The following TRMT6 variants were observed in gnomAD, a reference collection of about 807,000 sequenced individuals.
The protein encoded by TRMT6 is tRNA methyltransferase 6 non-catalytic subunit.
A neutral mutation model predicts 59.0 loss-of-function variants in TRMT6; 34 were observed. That is an observed-to-expected ratio of 0.58 (90% CI 0.44 to 0.77). The LOEUF (loss-of-function observed/expected upper bound fraction) is 0.77. Among genes scored for constraint, TRMT6 ranks in the 30% least tolerant of loss-of-function variants. The pLI, the probability that TRMT6 is intolerant of heterozygous loss-of-function variation, is 0.00. For missense variants in TRMT6, 575 were observed against 604.5 expected (o/e 0.95, Z 0.51); for synonymous variants, 217 against 210.5 (o/e 1.03, Z -0.27).
At chr20:5,940,590 T>G (rs2088647298) in intron 10 of TRMT6, among the ~76,000 whole-genome samples, 1 of 152,192 alleles carries the variant, frequency 6.6e-6, no homozygotes. Context: ...TCTCCATCCC[T>G]GTAGAAAGAA....
chr20:5,946,820 T>G (rs2088711319), intron 1 of TRMT6, among the ~76,000 whole-genome samples: 1 of 152,200 alleles, frequency 6.6e-6, no homozygotes, highest in South Asian at 2.1e-4. Context: ...CCATTTTATT[T>G]GAAAATTATC....
chr20:5,941,577 T>C, intron 8 of TRMT6: 1 of 562,078 alleles, frequency 1.8e-6, no homozygotes, highest in Non-Finnish European at 3.2e-6. Context: ...AAGTCGCATT[T>C]AATGACATTC....
intron 6 of TRMT6, among the ~76,000 whole-genome samples, chr20:5,943,036 A>C (rs2088672389): frequency 6.6e-6 from 1 of 152,010 alleles, no homozygotes; most frequent in Admixed American, 6.6e-5. Flanking sequence ...CTATTGTAAA[A>C]CCCTGTGTCT....
rs773153165 is a variant in TRMT6, at chr20:5,946,493, C to T, written c.169G>A (p.Val57Ile). 55 of 1,613,934 alleles carry T rather than the reference C, an allele frequency of 3.4e-5. No homozygotes were observed. In the Admixed American group the frequency reaches 4.2e-4, roughly 12 times the overall value. Residue 57 changes from valine (V) to isoleucine (I), a missense_variant, in exon 2 of 11, where the codon GTC becomes ATC. Coordinates refer to ENST00000203001, the MANE Select transcript of TRMT6 (RefSeq NM_015939.5). ...GCAGTTCCATAACTATGGCCAATGA[C>T]GTTATCCAGGTAGAACCACTGTTTT... is the stretch of plus-strand genomic sequence containing the variant. ...FEKQWFYLDN[V>I]IGHSYGTAFE...
rs772936392 is a variant in TRMT6, at chr20:5,942,632, C to G, written c.822G>C (p.Met274Ile). Residue 274 changes from methionine to isoleucine, a missense_variant, in exon 7 of 11, where the codon ATG becomes ATC. Physicochemically the swap from Met to Ile is conservative, Grantham distance 10. Transcript: ENST00000203001. ...CACTGTCTTTTGGCTCTGAAGATAA[C>G]ATCTTGGCAGAAAATGTTCCATGTA... ...SLLHGTFSAK[M>I]LSSEPKDSAL... The G allele has an allele frequency of 4.3e-6, 7 of 1,614,148 alleles. No individual in the cohort carries two copies. The Admixed American group carries it at 1.2e-4, about 27-fold the overall frequency.
chr20:5,942,537 A>G lies in TRMT6; in HGVS notation c.917T>C (p.Met306Thr). 6.2e-7 allele frequency: 1 copy of G among 1,614,064 alleles called. No individual in the cohort carries two copies. Among genetic ancestry groups the G allele is most frequent in the Non-Finnish European group, 8.5e-7 (1 of 1,180,002 alleles). Reference protein sequence around the residue: ...QASEQENEDSMAEAPESNHPE... With the variant: ...QASEQENEDSTAEAPESNHPE... ...GTGGTTGCTCTCTGGGGCCTCTGCC[A>G]TGCTGTCTTCATTCTCTTGTTCAGA... The change falls in exon 7 of 11, where the codon ATG becomes ACG. Residue 306 changes from methionine to threonine, a missense_variant. Transcript: ENST00000203001.
At chr20:5,939,834 CA>C (rs200833701) in intron 10 of TRMT6, among the ~76,000 whole-genome samples, 1 of 152,158 alleles carries the variant, frequency 6.6e-6, no homozygotes, top group Admixed American at 6.5e-5. Flanking sequence ...ATAGCATCCC[CA>C]CTACAGTATG....
Position 5,942,801 on chromosome 20 carries a change from G to C in TRMT6, c.668-15C>G. ...GGAGCCAAAACCTGAACAGATAAAAGAAACAAACATCTGCCCGTGGAGTGA... is the reference window on the plus strand; with the variant it reads ...GGAGCCAAAACCTGAACAGATAAAACAAACAAACATCTGCCCGTGGAGTGA... On this transcript the variant is annotated splice_polypyrimidine_tract_variant and intron_variant, in intron 6 of 10. Transcript: ENST00000203001. The C allele has an allele frequency of 6.3e-7, 1 of 1,595,996 alleles. No homozygotes were observed. The highest frequency in any genetic ancestry group is 8.6e-7 in the Non-Finnish European group (1 of 1,167,844).
At chr20:5,943,361 G>C (rs1249001651) in intron 6 of TRMT6, among the ~76,000 whole-genome samples, 198 bp downstream of exon 6, 1 of 152,170 alleles carries the variant, frequency 6.6e-6, no homozygotes, top group Non-Finnish European at 1.5e-5. Context: ...CCATGGGTTT[G>C]GGGGTACCCA....
intron 1 of TRMT6, among the ~76,000 whole-genome samples, chr20:5,948,278 C>T (rs236186): frequency 1.3e-5 from 2 of 151,906 alleles, no homozygotes; most frequent in Non-Finnish European, 2.9e-5. Flanking sequence ...TGTGGGGCCC[C>T]GTTAGAGGGA....
At chr20:5,943,103 T>C (rs2088673259) in intron 6 of TRMT6, among the ~76,000 whole-genome samples, 1 of 152,188 alleles carries the variant, frequency 6.6e-6, no homozygotes. Flanking sequence ...ACTCCGATCC[T>C]CAAATGGAGC....
chr20:5,944,942 T>C, intron 2 of TRMT6, 28 bp from the exon 3 acceptor site: 1 of 1,536,032 alleles, frequency 6.5e-7, no homozygotes, highest in Non-Finnish European at 9.0e-7. Context: ...TCTATTGACA[T>C]TTATGGTCTG....
rs550320793 is a variant in TRMT6 at position 5,944,985 on chromosome 20, T to G, written c.257-71A>C. Reference sequence around the variant, plus strand: ...TTGACACTTTCTTTTTCTGAGTTCATATCCACATCCAGTCCATCAGCCACT... The same window carrying G: ...TTGACACTTTCTTTTTCTGAGTTCAGATCCACATCCAGTCCATCAGCCACT... On this transcript the variant is annotated intron_variant, in intron 2 of 10. Transcript: ENST00000203001. 29 of 1,238,860 alleles carry G rather than the reference T, an allele frequency of 2.3e-5. No homozygotes were observed. The Admixed American group carries it at 2.8e-4, about 12-fold the overall frequency. 76.7% of individuals were successfully genotyped at this position (1,238,860 alleles called of 1,614,324 possible). A position where few individuals can be genotyped will look rare whatever the true frequency, so the allele number is the denominator to read the frequency against.
At chr20:5,943,372 T>C (rs115991454) in intron 6 of TRMT6, among the ~76,000 whole-genome samples, 187 bp downstream of exon 6, 1,659 of 152,238 alleles carry the variant, frequency 0.011, 31 homozygotes, top group African/African-American at 0.037. Context: ...GGGGTACCCA[T>C]GGGTGGGGGG....
intron 2 of TRMT6, among the ~76,000 whole-genome samples, chr20:5,946,104 A>G (rs1462313555): frequency 6.6e-6 from 1 of 152,236 alleles, no homozygotes; most frequent in Non-Finnish European, 1.5e-5. Context: ...CAGCTGTTAC[A>G]TAACTTCTGG....
Position 5,950,293 on chromosome 20 carries a change from T to A in TRMT6, c.113A>T (p.Gln38Leu). The change falls in exon 1 of 11, where the codon CAA (glutamine) becomes CTA (leucine). Residue 38 changes from glutamine to leucine, a missense_variant. By Grantham distance (113) the Gln-to-Leu change is moderately radical. Transcript: ENST00000203001. ...TCTGACTTACTTTCTCCGCTGGACT[T>A]GTACTGCTTTAAACACATCTTCACG... ...LKREDVFKAV[Q>L]VQRRKKVTFE... 6.2e-7 allele frequency: 1 copy of A among 1,611,548 alleles called. No individual in the cohort carries two copies. The highest frequency in any genetic ancestry group is 8.5e-7 in the Non-Finnish European group (1 of 1,178,514).
intron 10 of TRMT6, among the ~76,000 whole-genome samples, chr20:5,940,641 G>C (rs6107722): frequency 0.067 from 10,261 of 152,172 alleles, 654 homozygotes; most frequent in East Asian, 0.24. Flanking sequence ...GTTTTTGAGA[G>C]AGGGTCTTAC....
In TRMT6 at chr20:5,938,359, C is replaced by T. The variant is rs533227288; in HGVS notation, c.*176G>A. 56 of 649,624 alleles carry T rather than the reference C, an allele frequency of 8.6e-5. 3 individuals are homozygous for T. In the South Asian group the frequency reaches 1.4e-3, roughly 16 times the overall value. The allele number at this position is 649,624 out of a possible 1,614,324, so 40.2% of individuals were successfully genotyped here. On this transcript the variant is annotated 3_prime_UTR_variant, in exon 11 of 11. Transcript: ENST00000203001. ...ACCCCATGGTTGCAGTTTTGACAGA[C>T]CAAATGCATCTGTGTCAGAAATAGA...
At chr20:5,947,959 G>C (rs1600226786) in intron 1 of TRMT6, among the ~76,000 whole-genome samples, 1 of 152,188 alleles carries the variant, frequency 6.6e-6, no homozygotes, top group Non-Finnish European at 1.5e-5. Context: ...GCTGAAGCAG[G>C]AGGGTCACTT....
Sources: gnomAD v4.1 joint callset for allele counts (sites outside exome capture counted in the v4.1 genomes callset) on GRCh38, gnomAD v4.1.1 for gene constraint, MANE v1.5 for transcripts, NCBI Gene and HGNC (gene_info 2026-07-23, HGNC 2026-07-21) for gene names.